The following ARHGAP20 variants were observed in gnomAD, a reference collection of about 807,000 sequenced individuals.
The protein encoded by ARHGAP20 is rho GTPase-activating protein 20.
A neutral mutation model predicts 73.7 loss-of-function variants in ARHGAP20; 34 were observed. That is an observed-to-expected ratio of 0.46 (90% CI 0.35 to 0.61). The LOEUF (loss-of-function observed/expected upper bound fraction) is 0.61, where lower values mean the gene tolerates loss of function less well. Among genes scored for constraint, ARHGAP20 ranks in the 20% least tolerant of loss-of-function variants. The pLI is 0.00. For synonymous variants in ARHGAP20, 523 were observed against 518.2 expected, an observed-to-expected ratio of 1.01 and a Z score of -0.13; for missense variants, 1,314 against 1,420.9, an observed-to-expected ratio of 0.92 and a Z score of 1.21.
In ARHGAP20 at chr11:110,624,148, G is replaced by A. The variant is rs1464593635; in HGVS notation, c.503+14C>T. On this transcript the variant is annotated intron_variant, in intron 4 of 14. Transcript: ENST00000683387. ...GCTAACCCAGGTAAATAGAGGACAA[G>A]CTGTGGTTCTTACCTGAAAGTGGCC... The A allele has an allele frequency of 6.2e-7, 1 of 1,606,402 alleles. No individual in the cohort carries two copies. Among genetic ancestry groups the A allele is most frequent in the Non-Finnish European group, 8.5e-7 (1 of 1,178,224 alleles).
chr11:110,625,026 ATTTTTATT>A (rs765238023), intron 3 of ARHGAP20, among the ~76,000 whole-genome samples: 21,905 of 112,452 alleles, frequency 0.19, 2,445 homozygotes, highest in African/African-American at 0.36. Context: ...TTTTATTTTT[ATTTTTATT>A]TTTTTTTTTT....
intron 4 of ARHGAP20, among the ~76,000 whole-genome samples, chr11:110,621,170 T>C (rs1174489793): frequency 3.9e-5 from 6 of 152,074 alleles, no homozygotes; most frequent in Non-Finnish European, 5.9e-5. Flanking sequence ...TTTTCCTATT[T>C]GTACTACATT....
At chr11:110,627,301 C>T (rs1948767050) in intron 3 of ARHGAP20, among the ~76,000 whole-genome samples, 1 of 152,070 alleles carries the variant, frequency 6.6e-6, no homozygotes. Context: ...CCATGTTGGC[C>T]AGGCTGGTCT....
intron 13 of ARHGAP20, 104 bp downstream of exon 13, chr11:110,583,444 G>T: frequency 9.7e-7 from 1 of 1,033,568 alleles, no homozygotes; most frequent in Non-Finnish European, 1.4e-6. Context: ...TAAGGATACG[G>T]TATATTTAAG....
intron 2 of ARHGAP20, among the ~76,000 whole-genome samples, chr11:110,686,925 T>C (rs1712665916): frequency 6.6e-6 from 1 of 151,840 alleles, no homozygotes; most frequent in African/African-American, 2.4e-5. Flanking sequence ...AGTAAAAGCA[T>C]AATCTCATCT....
At chr11:110,617,680 A>G (rs775789124) in intron 4 of ARHGAP20, among the ~76,000 whole-genome samples, 1 of 152,112 alleles carries the variant, frequency 6.6e-6, no homozygotes, top group African/African-American at 2.4e-5. Context: ...ATCTTCTTGT[A>G]TATTTCCCTT....
intron 2 of ARHGAP20, among the ~76,000 whole-genome samples, chr11:110,636,594 C>A (rs1158305479): frequency 6.6e-6 from 1 of 152,026 alleles, no homozygotes; most frequent in Non-Finnish European, 1.5e-5. Context: ...GTGCATCTAT[C>A]AGGCTGTCAT....
chr11:110,660,800 ACT>A (rs1491511315), intron 2 of ARHGAP20, among the ~76,000 whole-genome samples: 2 of 151,340 alleles, frequency 1.3e-5, no homozygotes, highest in African/African-American at 4.9e-5. Context: ...TTTTTCATCC[ACT>A]CTCTTATTTT....
At chr11:110,584,906 A>T (rs1565421299) in intron 12 of ARHGAP20, among the ~76,000 whole-genome samples, 3 of 115,266 alleles carry the variant, frequency 2.6e-5, no homozygotes, top group Non-Finnish European at 4.0e-5. Context: ...AATATATGTG[A>T]ATATATATAT....
chr11:110,686,671 T>G (rs1450268690), intron 2 of ARHGAP20, among the ~76,000 whole-genome samples: 1 of 152,074 alleles, frequency 6.6e-6, no homozygotes, highest in East Asian at 1.9e-4. Flanking sequence ...ATTCTATACT[T>G]AAAAATCTAT....
At chr11:110,646,177 TATAC>T (rs964859817) in intron 2 of ARHGAP20, among the ~76,000 whole-genome samples, 1 of 152,144 alleles carries the variant, frequency 6.6e-6, no homozygotes, top group African/African-American at 2.4e-5. Context: ...AATATTGTAT[TATAC>T]ATACAAATTA....
At chr11:110,705,107 C>T (rs1950529803) in intron 1 of ARHGAP20, among the ~76,000 whole-genome samples, 1 of 152,066 alleles carries the variant, frequency 6.6e-6, no homozygotes. Flanking sequence ...GCAAGTTTTA[C>T]AATTACATAT....
At chr11:110,589,565 G>C in intron 11 of ARHGAP20, 4 of 985,432 alleles carry the variant, frequency 4.1e-6, no homozygotes, top group Non-Finnish European at 4.8e-6. Context: ...TTTGGGAGGT[G>C]AGAGCCTGAC....
At chr11:110,691,088 G>A in intron 1 of ARHGAP20, 3 of 1,090,680 alleles carry the variant, frequency 2.8e-6, no homozygotes, top group Non-Finnish European at 2.5e-6. Context: ...TAAAGCAAAA[G>A]CACAGAGACT....
chr11:110,673,432 T>C (rs1949869565), intron 2 of ARHGAP20, among the ~76,000 whole-genome samples: 1 of 152,122 alleles, frequency 6.6e-6, no homozygotes, highest in Non-Finnish European at 1.5e-5. Context: ...TAAAATCAGA[T>C]ACGATACAAC....
intron 4 of ARHGAP20, among the ~76,000 whole-genome samples, chr11:110,618,632 CAG>C: frequency 6.6e-6 from 1 of 150,880 alleles, no homozygotes; most frequent in African/African-American, 2.4e-5. Context: ...AGAGTATATG[CAG>C]TGATAGCGTA....
At chr11:110,609,443 A>G (rs1407174094) in intron 7 of ARHGAP20, among the ~76,000 whole-genome samples, 1 of 152,172 alleles carries the variant, frequency 6.6e-6, no homozygotes, top group Non-Finnish European at 1.5e-5. Context: ...TCAAAGGCTG[A>G]TTATTAGCTT....
At chr11:110,599,838 T>C (rs985554660) in intron 9 of ARHGAP20, among the ~76,000 whole-genome samples, 2 of 152,130 alleles carry the variant, frequency 1.3e-5, no homozygotes, top group African/African-American at 4.8e-5. Flanking sequence ...AGAGAGGAGC[T>C]ACCCACTCCA....
At position 110,614,571 on chromosome 11, in the gene ARHGAP20, T is replaced by C. The variant is rs772480318; in HGVS notation, c.620A>G (p.Asn207Ser). 3.7e-6 allele frequency: 6 copies of C among 1,613,082 alleles called. No individual in the cohort carries two copies. The highest frequency in any genetic ancestry group is 4.5e-5 in the East Asian group (2 of 44,864). Residue 207 changes from asparagine to serine, a missense_variant, in exon 6 of 15, where the codon AAT (asparagine) becomes AGT (serine). By Grantham distance (46) the Asn-to-Ser change is conservative (BLOSUM62 1). This residue lies in a region of ARHGAP20 where 443 missense variants were observed against 466.4 expected (regional missense o/e 0.95). Transcript: ENST00000683387. ...CTTAGAAACACTTACGTAGGCACAATTCCCAATGTCCTTGGCGAAGATTTT... is the reference window on the plus strand; with the variant it reads ...CTTAGAAACACTTACGTAGGCACAACTCCCAATGTCCTTGGCGAAGATTTT... The part of the protein sequence containing the change: ...PLKIFAKDIG[N>S]CAYSKTITVM...
Sources: gnomAD v4.1 joint callset for allele counts (sites outside exome capture counted in the v4.1 genomes callset) on GRCh38, gnomAD v4.1.1 for gene constraint, gnomAD v4.1.1 regional missense constraint, MANE v1.5 for transcripts, NCBI Gene and HGNC (gene_info 2026-07-23, HGNC 2026-07-21) for gene names.